The following ANO3 variants were observed in gnomAD, a reference collection of about 807,000 sequenced individuals.
The protein encoded by ANO3 is anoctamin-3.
A neutral mutation model predicts 144.8 loss-of-function variants in ANO3; 99 were observed. The observed-to-expected ratio is 0.68, with a 90% CI of 0.58 to 0.81. The LOEUF (loss-of-function observed/expected upper bound fraction) is 0.81, where lower values mean the gene tolerates loss of function less well. ANO3 is among the 30% of genes least tolerant of loss of function. The pLI, the probability that ANO3 is intolerant of heterozygous loss-of-function variation, is 0.00. For missense variants in ANO3, 905 were observed against 1,202.2 expected (o/e 0.75, Z 3.66); for synonymous variants, 414 against 392.6 (o/e 1.05, Z -0.64).
At chr11:26,196,497 A>G (rs1851592534) in intron 1 of ANO3, among the ~76,000 whole-genome samples, 1 of 152,198 alleles carries the variant, frequency 6.6e-6, no homozygotes, top group Non-Finnish European at 1.5e-5. Context: ...AAAAGCATTT[A>G]CAGAAGTAGT....
intron 1 of ANO3, among the ~76,000 whole-genome samples, chr11:26,222,691 G>A (rs963542695): frequency 6.6e-6 from 1 of 152,232 alleles, no homozygotes; most frequent in Non-Finnish European, 1.5e-5. Context: ...CACACCTACA[G>A]GCTTAATGCC....
intron 14 of ANO3, among the ~76,000 whole-genome samples, chr11:26,577,258 T>G (rs1257345014): frequency 6.6e-6 from 1 of 152,262 alleles, no homozygotes; most frequent in East Asian, 1.9e-4. Flanking sequence ...GTATCAGATT[T>G]TTTTTAAAAA....
At chr11:26,361,912 A>G (rs1369395496) in intron 1 of ANO3, among the ~76,000 whole-genome samples, 1 of 152,166 alleles carries the variant, frequency 6.6e-6, no homozygotes, top group Non-Finnish European at 1.5e-5. Flanking sequence ...GATTTCTGAT[A>G]TTTATGTCAT....
intron 26 of ANO3, among the ~76,000 whole-genome samples, chr11:26,659,463 G>A (rs1341847330): frequency 6.6e-6 from 1 of 151,978 alleles, no homozygotes; most frequent in Non-Finnish European, 1.5e-5. Flanking sequence ...GGAGGCCAAG[G>A]TGGGAGAATA....
intron 14 of ANO3, among the ~76,000 whole-genome samples, chr11:26,564,564 T>C (rs991738511): frequency 6.7e-5 from 10 of 149,750 alleles, no homozygotes; most frequent in African/African-American, 2.0e-4. Context: ...ATGGAAAAGA[T>C]TGACATAATC....
rs1189814544 is a variant in ANO3, at chr11:26,610,109, C to A, written c.1836+10395C>A. 3.3e-5 allele frequency among the ~76,000 whole-genome samples: 5 copies of A among 151,994 alleles called. No homozygotes were observed. In the East Asian group the frequency reaches 9.7e-4, roughly 29 times the overall value. On this transcript the variant is annotated intron_variant, in intron 17 of 26. Coordinates refer to ENST00000256737, the MANE Select transcript of ANO3 (RefSeq NM_031418.4). ...TATTTTTAGTAGAGGCGGGGTTTCT[C>A]CATGTTGGTCAGACTGGTCTCTAAC...
intron 1 of ANO3, among the ~76,000 whole-genome samples, chr11:26,340,087 A>G (rs1253450638): frequency 1.3e-5 from 2 of 152,208 alleles, no homozygotes; most frequent in Non-Finnish European, 2.9e-5. Context: ...TTGCAAATGC[A>G]TTGTATTGGT....
intron 1 of ANO3, among the ~76,000 whole-genome samples, chr11:26,338,503 C>A (rs2133896206): frequency 6.6e-6 from 1 of 152,296 alleles, no homozygotes; most frequent in South Asian, 2.1e-4. Context: ...AATAAGGGAA[C>A]AAAAGCTGGC....
chr11:26,480,897 C>T (rs1459683726), intron 4 of ANO3, among the ~76,000 whole-genome samples: 1 of 152,100 alleles, frequency 6.6e-6, no homozygotes, highest in Non-Finnish European at 1.5e-5. Context: ...AGTTAGAACA[C>T]ATGAATTTGA....
At chr11:26,476,411 G>C (rs1859971127) in intron 4 of ANO3, among the ~76,000 whole-genome samples, 1 of 151,988 alleles carries the variant, frequency 6.6e-6, no homozygotes, top group Admixed American at 6.6e-5. Flanking sequence ...AGGCAGAAGA[G>C]TGACCTATGT....
chr11:26,377,835 A>G (rs887568260), intron 1 of ANO3, among the ~76,000 whole-genome samples: 7 of 152,158 alleles, frequency 4.6e-5, no homozygotes, highest in African/African-American at 1.7e-4. Context: ...TCTCAAGAGT[A>G]ACAATGGAAG....
chr11:26,407,062 G>GTATA (rs1293215860), intron 1 of ANO3, among the ~76,000 whole-genome samples: 1,152 of 64,038 alleles, frequency 0.018, 13 homozygotes, highest in Middle Eastern at 0.045. Flanking sequence ...GTGTGTGTGT[G>GTATA]TGTGTGTGTG....
intron 1 of ANO3, among the ~76,000 whole-genome samples, chr11:26,336,880 T>C (rs750328768): frequency 2.6e-5 from 4 of 152,320 alleles, no homozygotes; most frequent in East Asian, 1.9e-4. Flanking sequence ...AAAATAATTC[T>C]AAGTTGTATA....
At chr11:26,453,822 G>A (rs1050007880) in intron 3 of ANO3, among the ~76,000 whole-genome samples, 5 of 151,856 alleles carry the variant, frequency 3.3e-5, no homozygotes, top group African/African-American at 9.7e-5. Flanking sequence ...TTGACCACAT[G>A]GTTGGAAGTA....
intron 1 of ANO3, among the ~76,000 whole-genome samples, chr11:26,263,964 G>T (rs542608585): frequency 6.6e-6 from 1 of 152,230 alleles, no homozygotes; most frequent in South Asian, 2.1e-4. Context: ...TTTTGTTAAA[G>T]GTAAAGCCAT....
rs978979499 is a variant in ANO3, at chr11:26,573,576, T to C, written c.1447+13797T>C. On this transcript the variant is annotated intron_variant, in intron 14 of 26. Transcript: ENST00000256737. ...CTTTTCTGCAATATGTGTGGGAATA[T>C]CATTATCCCCTTCTGCCTTAACCAT... is the stretch of plus-strand genomic sequence containing the variant. Among the ~76,000 whole-genome samples, 5 of 152,316 alleles carry C rather than the reference T, an allele frequency of 3.3e-5. No individual in the cohort carries two copies. In the South Asian group the frequency reaches 1.0e-3, roughly 32 times the overall value.
intron 4 of ANO3, among the ~76,000 whole-genome samples, chr11:26,469,990 A>G (rs946755407): frequency 1.3e-5 from 2 of 151,958 alleles, no homozygotes; most frequent in East Asian, 1.9e-4. Context: ...TTGCTGGCCA[A>G]TATGTACATT....
At chr11:26,609,653 G>T (rs575775870) in intron 17 of ANO3, among the ~76,000 whole-genome samples, 2 of 152,134 alleles carry the variant, frequency 1.3e-5, no homozygotes, top group East Asian at 3.9e-4. Context: ...TGAAGGACAT[G>T]TGTTGATTCC....
At chr11:26,469,806 T>C (rs1859717642) in intron 4 of ANO3, among the ~76,000 whole-genome samples, 1 of 151,986 alleles carries the variant, frequency 6.6e-6, no homozygotes, top group African/African-American at 2.4e-5. Flanking sequence ...ATGTAATTTA[T>C]AATGTAAGAA....
Sources: gnomAD v4.1 joint callset for allele counts (sites outside exome capture counted in the v4.1 genomes callset) on GRCh38, gnomAD v4.1.1 for gene constraint, MANE v1.5 for transcripts, NCBI Gene and HGNC (gene_info 2026-07-23, HGNC 2026-07-21) for gene names.